Variants in EYA1 observed in about 807,000 individuals in gnomAD.
The protein encoded by EYA1 is EYA transcriptional coactivator and phosphatase 1, also known as protein phosphatase EYA1.
Under a neutral mutation model 82.0 loss-of-function variants are expected in EYA1, and 16 were observed. The ratio of observed to expected loss-of-function variants is 0.20; its 90% confidence interval spans 0.13 to 0.30. EYA1 has a LOEUF of 0.30. Among genes scored for constraint, EYA1 ranks in the 10% least tolerant of loss-of-function variants. The pLI, the probability that EYA1 is intolerant of heterozygous loss-of-function variation, is 1.00. For synonymous variants in EYA1, 261 were observed against 264.4 expected (o/e 0.99, Z 0.12); for missense variants, 633 against 730.7 (o/e 0.87, Z 1.54).
chr8:71,488,572 C>T (rs1586817301), intron 2 of EYA1, among the ~76,000 whole-genome samples: 2 of 152,052 alleles, frequency 1.3e-5, no homozygotes, highest in East Asian at 1.9e-4. Flanking sequence ...TGATAGATAT[C>T]GGTTGGGAAT....
At chr8:71,470,765 C>G (rs1038996766) in intron 2 of EYA1, 6 of 398,228 alleles carry the variant, frequency 1.5e-5, no homozygotes, top group Non-Finnish European at 2.5e-5. Context: ...AATGATATAA[C>G]AGACTTAACA....
At chr8:71,499,000 C>T (rs897866940) in intron 2 of EYA1, among the ~76,000 whole-genome samples, 7 of 152,124 alleles carry the variant, frequency 4.6e-5, no homozygotes, top group African/African-American at 1.7e-4. Context: ...ACAAGGTGCC[C>T]CCTGCCAGCT....
chr8:71,385,077 T>C (rs1399794045), intron 2 of EYA1, among the ~76,000 whole-genome samples: 1 of 152,070 alleles, frequency 6.6e-6, no homozygotes, highest in Non-Finnish European at 1.5e-5. Context: ...TGGCGTAATC[T>C]TGGCTCACTG....
At chr8:71,308,500 T>C (rs1820969679) in intron 7 of EYA1, among the ~76,000 whole-genome samples, 1 of 152,138 alleles carries the variant, frequency 6.6e-6, no homozygotes, top group Admixed American at 6.6e-5. Context: ...AGATCCTATA[T>C]GGGACATGCA....
At chr8:71,486,060 C>G (rs1050597951) in intron 2 of EYA1, among the ~76,000 whole-genome samples, 1 of 152,108 alleles carries the variant, frequency 6.6e-6, no homozygotes, top group Non-Finnish European at 1.5e-5. Flanking sequence ...TATCGGGTTG[C>G]ATGGTTTGAA....
intron 2 of EYA1, among the ~76,000 whole-genome samples, chr8:71,506,321 A>T (rs1812190249): frequency 6.6e-6 from 1 of 152,218 alleles, no homozygotes; most frequent in Non-Finnish European, 1.5e-5. Context: ...TTTGCCAAGG[A>T]GGCAAGTCTT....
At chr8:71,412,645 A>G (rs1361187875) in intron 2 of EYA1, among the ~76,000 whole-genome samples, 3 of 152,160 alleles carry the variant, frequency 2.0e-5, no homozygotes, top group African/African-American at 7.2e-5. Flanking sequence ...TGCATAATGG[A>G]TACATAGAAA....
At position 71,447,648 on chromosome 8, in the gene EYA1, T is replaced by C. The variant is rs574476599; in HGVS notation, c.33+88096A>G. On this transcript the variant is annotated intron_variant, in intron 2 of 18. Transcript: ENST00000643681. ...TGATTCCAGATCACAGCAATAAAAG[T>C]GAATATTGCAATAAAGCAAGTCACA... is the stretch of plus-strand genomic sequence containing the variant. Among the ~76,000 whole-genome samples, 9 of 152,304 alleles carry C rather than the reference T, an allele frequency of 5.9e-5. 1 individual carries two copies. In the East Asian group the frequency reaches 1.7e-3, roughly 29 times the overall value.
At chr8:71,214,960 TATACAGA>T (rs1188245616) in intron 16 of EYA1, among the ~76,000 whole-genome samples, 1 of 152,242 alleles carries the variant, frequency 6.6e-6, no homozygotes, top group Admixed American at 6.5e-5. Context: ...CTCAATTGAT[TATACAGA>T]TTGAATGAAA....
At chr8:71,313,569 T>G (rs1359374387) in intron 7 of EYA1, among the ~76,000 whole-genome samples, 1 of 152,174 alleles carries the variant, frequency 6.6e-6, no homozygotes, top group African/African-American at 2.4e-5. Flanking sequence ...CACAGGTTGG[T>G]CAGAGTGATT....
chr8:71,263,607 A>C (rs1306708972), intron 11 of EYA1, among the ~76,000 whole-genome samples: 1 of 152,172 alleles, frequency 6.6e-6, no homozygotes, highest in South Asian at 2.1e-4. Context: ...CTGTCATTGA[A>C]TTGTCCCGGA....
intron 2 of EYA1, chr8:71,470,896 A>G (rs1237721439): frequency 2.2e-6 from 1 of 455,806 alleles, no homozygotes; most frequent in East Asian, 7.0e-5. Context: ...TGGTTGCTCC[A>G]AATGTCGTAA....
intron 9 of EYA1, among the ~76,000 whole-genome samples, chr8:71,286,797 G>GTTTTTTTTTTTTTTTTTTTTTTTTT (rs141777395): frequency 8.9e-6 from 1 of 112,488 alleles, no homozygotes. Flanking sequence ...CATATTGGTA[G>GTTTTTTTTTTTTTTTTTTTTTTTTT]TTTTTTTTTT....
Position 71,269,788 on chromosome 8 carries a change from A to C in EYA1, c.1002T>G (p.Ile334Met). The C allele has an allele frequency of 1.2e-6, 2 of 1,613,812 alleles. No individual in the cohort carries two copies. The highest frequency in any genetic ancestry group is 1.7e-6 in the Non-Finnish European group (2 of 1,179,798). ...VFIWDLDETIIVFHSLLTGSY... is the reference protein window; with the variant it reads ...VFIWDLDETIMVFHSLLTGSY... ...ACCCAGTAAGCAAGGAGTGGAAAAC[A>C]ATGATTGTCTCATCCAAGTCCCAGA... Residue 334 changes from isoleucine (I) to methionine (M), a missense_variant, in exon 11 of 18, where the codon ATT (isoleucine) becomes ATG (methionine). Coordinates refer to ENST00000340726, the MANE Select transcript of EYA1 (RefSeq NM_000503.6).
At chr8:71,482,464 T>G (rs1810238563) in intron 2 of EYA1, among the ~76,000 whole-genome samples, 1 of 152,186 alleles carries the variant, frequency 6.6e-6, no homozygotes, top group Admixed American at 6.5e-5. Context: ...TTCAACCACA[T>G]TGAAAAGCTG....
Position 71,356,506 on chromosome 8 carries a change from T to G in EYA1, c.-49A>C. 1 of 1,576,540 alleles carries G rather than the reference T, an allele frequency of 6.3e-7. No individual in the cohort carries two copies. The highest frequency in any genetic ancestry group is 8.6e-7 in the Non-Finnish European group (1 of 1,160,052). Reference sequence around the variant, plus strand: ...CAACATCTGAACTGGCTTGAGATGTTTGCACCTGTGATCAGGGGTAAAAAA... The same window carrying G: ...CAACATCTGAACTGGCTTGAGATGTGTGCACCTGTGATCAGGGGTAAAAAA... On this transcript the variant is annotated 5_prime_UTR_variant, in exon 2 of 18. Transcript: ENST00000340726.
intron 2 of EYA1, among the ~76,000 whole-genome samples, chr8:71,467,777 T>G (rs1358160705): frequency 1.3e-5 from 2 of 152,160 alleles, no homozygotes; most frequent in African/African-American, 2.4e-5. Flanking sequence ...TCTGAAAAAT[T>G]AATAGGCTGA....
At chr8:71,250,525 C>G (rs1040879910) in intron 11 of EYA1, among the ~76,000 whole-genome samples, 20 of 152,330 alleles carry the variant, frequency 1.3e-4, no homozygotes, top group South Asian at 1.2e-3. Context: ...TATCTTCCTC[C>G]TCCTGTTTTT....
rs1238732348 is a variant in EYA1, at chr8:71,217,071, A to T, written c.1141-48T>A. On this transcript the variant is annotated intron_variant, in intron 12 of 17. Transcript: ENST00000340726. ...CATGTCAATTTTTTAAGAGTACCTA[A>T]TTTTTTTGTTTTGTTTTGGAAAAAC... 7 of 1,455,562 alleles carry T rather than the reference A, an allele frequency of 4.8e-6. No homozygotes were observed. In the Admixed American group the frequency reaches 8.4e-5, roughly 18 times the overall value. 90.2% of individuals were successfully genotyped at this position (1,455,562 alleles called of 1,614,324 possible).
Sources: gnomAD v4.1 joint callset for allele counts (sites outside exome capture counted in the v4.1 genomes callset) on GRCh38, gnomAD v4.1.1 for gene constraint, MANE v1.5 for transcripts, NCBI Gene and HGNC (gene_info 2026-07-23, HGNC 2026-07-21) for gene names.